The following KIFAP3 variants were observed in gnomAD, a reference collection of about 807,000 sequenced individuals.
The protein encoded by KIFAP3 is kinesin-associated protein 3.
Under a neutral mutation model 106.5 loss-of-function variants are expected in KIFAP3, and 68 were observed. The observed-to-expected ratio is 0.64, with a 90% CI of 0.53 to 0.78. KIFAP3 has a LOEUF of 0.78. Ranked by LOEUF, KIFAP3 falls within the 30% of genes least tolerant of loss-of-function variation. KIFAP3 has a pLI of 0.00. For synonymous variants in KIFAP3, 320 were observed against 311.5 expected (o/e 1.03, Z -0.29); for missense variants, 780 against 941.8 (o/e 0.83, Z 2.25).
chr1:170,048,831 C>G (rs144866052), intron 2 of KIFAP3, among the ~76,000 whole-genome samples: 72 of 152,164 alleles, frequency 4.7e-4, no homozygotes, highest in Middle Eastern at 6.8e-3. Context: ...TTTTGCAGTC[C>G]GCAGATCAGG....
intron 1 of KIFAP3, among the ~76,000 whole-genome samples, chr1:170,063,620 G>T (rs1006681306): frequency 3.3e-5 from 5 of 152,068 alleles, no homozygotes; most frequent in Non-Finnish European, 7.4e-5. Flanking sequence ...ACAGTGAGTT[G>T]TTTTTTTCTC....
At chr1:169,962,376 C>T (rs1665385565) in intron 17 of KIFAP3, among the ~76,000 whole-genome samples, 1 of 152,106 alleles carries the variant, frequency 6.6e-6, no homozygotes, top group African/African-American at 2.4e-5. Context: ...TACTACTTGT[C>T]CCATAGGTTG....
chr1:170,028,016 T>TA (rs1301534627), intron 8 of KIFAP3, among the ~76,000 whole-genome samples: 19 of 152,052 alleles, frequency 1.2e-4, no homozygotes, highest in Non-Finnish European at 1.9e-4. Context: ...CTTACAGTAT[T>TA]AAAAAAAGTT....
At chr1:169,952,515 A>G (rs1299537570) in intron 19 of KIFAP3, among the ~76,000 whole-genome samples, 1 of 152,074 alleles carries the variant, frequency 6.6e-6, no homozygotes, top group African/African-American at 2.4e-5. Flanking sequence ...GTATGCATTA[A>G]GTTCAAATAT....
At chr1:169,982,188 C>A in intron 14 of KIFAP3, 91 bp from the exon 15 acceptor site, 1 of 1,297,556 alleles carries the variant, frequency 7.7e-7, no homozygotes, top group Non-Finnish European at 1.1e-6. Flanking sequence ...AGAAAGGATA[C>A]TGAAAGCTAT....
intron 19 of KIFAP3, among the ~76,000 whole-genome samples, chr1:169,946,066 G>C (rs685155): frequency 0.91 from 139,109 of 152,248 alleles, 63,581 homozygotes; most frequent in East Asian, 0.99. Flanking sequence ...AGCCCATGAG[G>C]ATTCATTTAT....
chr1:169,999,744 G>T (rs1308612461), intron 10 of KIFAP3, among the ~76,000 whole-genome samples: 1 of 152,172 alleles, frequency 6.6e-6, no homozygotes, highest in Admixed American at 6.6e-5. Context: ...AATTATCTTA[G>T]CATTTGTGCA....
chr1:170,049,321 A>C (rs1670452279), intron 2 of KIFAP3, among the ~76,000 whole-genome samples: 1 of 152,198 alleles, frequency 6.6e-6, no homozygotes, highest in Non-Finnish European at 1.5e-5. Context: ...CAGCAGCCTT[A>C]GGGGCTTACA....
intron 1 of KIFAP3, among the ~76,000 whole-genome samples, chr1:170,083,650 C>A (rs984875674): frequency 6.6e-6 from 1 of 152,110 alleles, no homozygotes; most frequent in Non-Finnish European, 1.5e-5. Context: ...ATTAGCTGGA[C>A]CAGGTGTTTG....
chr1:169,921,741 C>G lies in KIFAP3; in HGVS notation c.2314G>C (p.Gly772Arg), dbSNP rs747090811. The G allele has an allele frequency of 6.2e-7, 1 of 1,613,650 alleles. No homozygotes were observed. The highest frequency in any genetic ancestry group is 8.5e-7 in the Non-Finnish European group (1 of 1,179,804). ...DGFGQPVGIL[G>R]RPATAYGFRP... Reference sequence around the variant, plus strand: ...AATCCATATGCTGTGGCAGGGCGTCCAAGAATGCCAACTGGTTGGCCAAAG... The same window carrying G: ...AATCCATATGCTGTGGCAGGGCGTCGAAGAATGCCAACTGGTTGGCCAAAG... The change falls in exon 20 of 20, where the codon GGA becomes CGA. Residue 772 changes from glycine to arginine, a missense_variant. By Grantham distance (125) the Gly-to-Arg change is moderately radical. Transcript: ENST00000361580.
Position 170,074,477 on chromosome 1 carries a change from G to A in KIFAP3, c.-10C>T, listed in dbSNP as rs760911902. ...CGTCCTCCCCTTGCATGGCGGCAGC[G>A]GCAGCGGCGTGGAGAGGATGGGGTA... On this transcript the variant is annotated 5_prime_UTR_variant, in exon 1 of 20. Transcript: ENST00000361580. 2 of 1,614,066 alleles carry A rather than the reference G, an allele frequency of 1.2e-6. No homozygotes were observed. Among genetic ancestry groups the A allele is most frequent in the South Asian group, 2.2e-5 (2 of 91,062 alleles).
At chr1:169,954,811 T>C (rs1664923416) in intron 18 of KIFAP3, among the ~76,000 whole-genome samples, 1 of 152,214 alleles carries the variant, frequency 6.6e-6, no homozygotes, top group Admixed American at 6.5e-5. Flanking sequence ...TTACCTACGC[T>C]AAATAGTTCT....
At chr1:169,983,236 G>T (rs986579073) in intron 13 of KIFAP3, 34 bp downstream of exon 13, 1 of 1,206,632 alleles carries the variant, frequency 8.3e-7, no homozygotes, top group Non-Finnish European at 1.2e-6. Flanking sequence ...TCAATTCCCA[G>T]TCTATTTGAA....
In KIFAP3 at chr1:170,035,537, T is replaced by C. The variant is rs147459321; in HGVS notation, c.534A>G (p.Ala178=). The C allele has an allele frequency of 8.1e-6, 13 of 1,605,762 alleles. No homozygotes were observed. Among genetic ancestry groups the C allele is most frequent in the African/African-American group, 1.3e-5 (1 of 74,508 alleles). The change falls in exon 6 of 20, where the codon GCA becomes GCG. Residue 178 remains alanine, a synonymous_variant. Transcript: ENST00000361580. ...AGTCTTCTCTCAGGACCCTTGCTAA[T>C]GCACCAAGGGCAGTTTCTAAAGAAA... is the stretch of plus-strand genomic sequence containing the variant. The part of the protein sequence containing the change: ...ELLLNETALG[A]LARVLREDWK...
chr1:170,045,768 T>C (rs1216603598), intron 3 of KIFAP3, among the ~76,000 whole-genome samples: 2 of 152,188 alleles, frequency 1.3e-5, no homozygotes, highest in African/African-American at 4.8e-5. Context: ...TTGAACTCTG[T>C]TCCAGACAGA....
chr1:169,952,605 G>A (rs1243735906), intron 19 of KIFAP3, among the ~76,000 whole-genome samples: 1 of 151,984 alleles, frequency 6.6e-6, no homozygotes, highest in Non-Finnish European at 1.5e-5. Context: ...CTCCAAATGA[G>A]GCAGCATGTT....
chr1:169,984,421 A>AATTC (rs1175582959), intron 12 of KIFAP3, among the ~76,000 whole-genome samples, 161 bp downstream of exon 12: 1 of 151,882 alleles, frequency 6.6e-6, no homozygotes, highest in African/African-American at 2.4e-5. Context: ...TTATGACGTA[A>AATTC]GAATATTCTA....
intron 9 of KIFAP3, among the ~76,000 whole-genome samples, chr1:170,021,945 T>C (rs567594370): frequency 1.5e-4 from 18 of 123,658 alleles, no homozygotes; most frequent in Admixed American, 3.1e-4. Flanking sequence ...TTCTTTCTTT[T>C]TTTTTTTTTT....
At chr1:170,084,195 G>A (rs1286365787) in intron 1 of KIFAP3, among the ~76,000 whole-genome samples, 4 of 152,164 alleles carry the variant, frequency 2.6e-5, no homozygotes, top group East Asian at 3.8e-4. Flanking sequence ...ACCACAGTTT[G>A]TTCCATCAAG....
Sources: allele counts gnomAD v4.1 joint callset (sites outside exome capture counted in the v4.1 genomes callset), GRCh38; gene constraint gnomAD v4.1.1; transcripts MANE v1.5; gene names NCBI Gene and HGNC (gene_info 2026-07-23, HGNC 2026-07-21).